Variants in STARD13 observed in about 807,000 individuals in gnomAD.
The protein encoded by STARD13 is stAR-related lipid transfer protein 13.
Under a neutral mutation model 106.4 loss-of-function variants are expected in STARD13, and 62 were observed. The observed-to-expected ratio is 0.58, with a 90% CI of 0.48 to 0.72. The LOEUF is 0.72. Among genes scored for constraint, STARD13 ranks in the 30% least tolerant of loss-of-function variants. The pLI, the probability that STARD13 is intolerant of heterozygous loss-of-function variation, is 0.00. For synonymous variants in STARD13, 565 were observed against 553.0 expected (o/e 1.02, Z -0.31); for missense variants, 1,387 against 1,424.0 (o/e 0.97, Z 0.42).
chr13:33,454,578 T>C, the STARD13 span, among the ~76,000 whole-genome samples: 2 of 152,206 alleles, frequency 1.3e-5, no homozygotes, highest in Admixed American at 1.3e-4. Flanking sequence ...CTCAGTGGCC[T>C]GTCTGAGCTC....
the STARD13 span, among the ~76,000 whole-genome samples, chr13:33,620,215 C>A: frequency 6.6e-6 from 1 of 151,844 alleles, no homozygotes; most frequent in Non-Finnish European, 1.5e-5. Context: ...TGCTATCAAC[C>A]CACAAGACCT....
chr13:33,424,939 G>T, the STARD13 span, among the ~76,000 whole-genome samples: 1 of 152,308 alleles, frequency 6.6e-6, no homozygotes, highest in East Asian at 1.9e-4. Context: ...ACAATTAAAA[G>T]ATGACTTTAA....
intron 1 of STARD13, among the ~76,000 whole-genome samples, chr13:33,181,726 C>T (rs887405887): frequency 1.3e-5 from 2 of 152,174 alleles, no homozygotes; most frequent in African/African-American, 2.4e-5. Context: ...GCAGCAATGT[C>T]TGTGTATCTC....
At chr13:33,335,897 C>T (rs1459635358) in intron 1 of STARD13, among the ~76,000 whole-genome samples, 3 of 152,186 alleles carry the variant, frequency 2.0e-5, no homozygotes, top group South Asian at 2.1e-4. Context: ...CGAACATACA[C>T]GGAGTCCTTA....
At chr13:33,593,366 G>C in the STARD13 span, among the ~76,000 whole-genome samples, 2 of 151,922 alleles carry the variant, frequency 1.3e-5, no homozygotes, top group African/African-American at 4.8e-5. Context: ...TCTATTTTTA[G>C]TAGAGATGGG....
At chr13:33,673,195 A>G in the STARD13 span, among the ~76,000 whole-genome samples, 1 of 152,178 alleles carries the variant, frequency 6.6e-6, no homozygotes, top group African/African-American at 2.4e-5. Context: ...CAAGAATATC[A>G]CGTGTTTAAT....
chr13:33,578,998 A>G, the STARD13 span, among the ~76,000 whole-genome samples: 5 of 152,254 alleles, frequency 3.3e-5, no homozygotes, highest in African/African-American at 7.2e-5. Context: ...GTCAAAAAAA[A>G]CAATGGATGT....
intron 7 of STARD13, among the ~76,000 whole-genome samples, chr13:33,121,987 A>G (rs892660455): frequency 3.3e-5 from 5 of 152,254 alleles, no homozygotes; most frequent in South Asian, 2.1e-4. Flanking sequence ...CTGGGATTAC[A>G]GGCACCTGCC....
At chr13:33,542,586 C>G in the STARD13 span, among the ~76,000 whole-genome samples, 1 of 152,106 alleles carries the variant, frequency 6.6e-6, no homozygotes, top group Admixed American at 6.5e-5. Context: ...CAAGACGAGG[C>G]GCGCGCACCA....
upstream of STARD13, chr13:33,285,881 A>C: frequency 1.3e-6 from 1 of 781,526 alleles, no homozygotes. Flanking sequence ...CTAAGCCCCG[A>C]CCAGAGGCAG....
chr13:33,524,820 A>C, the STARD13 span, among the ~76,000 whole-genome samples: 25 of 152,142 alleles, frequency 1.6e-4, no homozygotes, highest in African/African-American at 5.5e-4. Flanking sequence ...TAATTAACAT[A>C]TGCATGACCT....
At chr13:33,441,419 A>G in the STARD13 span, among the ~76,000 whole-genome samples, 19 of 152,274 alleles carry the variant, frequency 1.2e-4, no homozygotes, top group South Asian at 3.9e-3. Context: ...TTTTGTGGTT[A>G]AGATAATATG....
At chr13:33,244,458 G>A (rs561102014) in intron 1 of STARD13, among the ~76,000 whole-genome samples, 10 of 152,082 alleles carry the variant, frequency 6.6e-5, no homozygotes, top group East Asian at 5.8e-4. Context: ...CTACTGCTGC[G>A]ATAATTCCTC....
At chr13:33,599,668 T>A in the STARD13 span, among the ~76,000 whole-genome samples, 1 of 152,004 alleles carries the variant, frequency 6.6e-6, no homozygotes, top group Non-Finnish European at 1.5e-5. Flanking sequence ...TTTAAAGAGT[T>A]TACAGTTTAC....
chr13:33,195,320 C>A (rs1371598205), intron 1 of STARD13, among the ~76,000 whole-genome samples: 1 of 152,202 alleles, frequency 6.6e-6, no homozygotes, highest in East Asian at 1.9e-4. Flanking sequence ...TTTAGCCACT[C>A]TCTCTGTAAC....
At chr13:33,568,606 A>G in the STARD13 span, among the ~76,000 whole-genome samples, 1 of 147,908 alleles carries the variant, frequency 6.8e-6, no homozygotes, top group Non-Finnish European at 1.5e-5. Context: ...TCTGCCTGCC[A>G]TTGGACACTA....
intron 1 of STARD13, among the ~76,000 whole-genome samples, chr13:33,240,957 A>AT (rs939340401): frequency 6.7e-6 from 1 of 149,928 alleles, no homozygotes; most frequent in East Asian, 1.9e-4. Flanking sequence ...AGTTCTAACC[A>AT]TTTTTTGGTG....
At chr13:33,242,414 C>A (rs1213921672) in intron 1 of STARD13, among the ~76,000 whole-genome samples, 2 of 152,188 alleles carry the variant, frequency 1.3e-5, no homozygotes, top group Non-Finnish European at 2.9e-5. Context: ...AAGAAAAATT[C>A]TTCTGCCTTG....
the STARD13 span, among the ~76,000 whole-genome samples, chr13:33,635,991 C>T: frequency 6.6e-6 from 1 of 151,426 alleles, no homozygotes; most frequent in Non-Finnish European, 1.5e-5. Flanking sequence ...CTCAAAAAAA[C>T]ATTAGCTGGG....
Sources: gnomAD v4.1 joint callset for allele counts (sites outside exome capture counted in the v4.1 genomes callset) on GRCh38, gnomAD v4.1.1 for gene constraint, MANE v1.5 for transcripts, NCBI Gene and HGNC (gene_info 2026-07-23, HGNC 2026-07-21) for gene names.